MTF1: variants seen among roughly 807,000 people sequenced by gnomAD.
The protein encoded by MTF1 is MRE-binding transcription factor.
MTF1 carries 22 observed loss-of-function variants against 70.4 expected under a neutral mutation model. The observed-to-expected ratio is 0.31, with a 90% CI of 0.22 to 0.45. The LOEUF (loss-of-function observed/expected upper bound fraction) is 0.45, where lower values mean the gene tolerates loss of function less well. MTF1 is among the 20% of genes least tolerant of loss of function. MTF1 has a pLI of 1.00. For synonymous variants in MTF1, 333 were observed against 352.8 expected (o/e 0.94, Z 0.63); for missense variants, 649 against 922.0 (o/e 0.70, Z 3.83).
chr1:37,820,038 C>T (rs1640887886), intron 9 of MTF1, among the ~76,000 whole-genome samples: 1 of 148,868 alleles, frequency 6.7e-6, no homozygotes, highest in South Asian at 2.2e-4. Flanking sequence ...TTGTTTCACT[C>T]AGCACCCCAG....
intron 1 of MTF1, among the ~76,000 whole-genome samples, chr1:37,857,949 G>A (rs1569895247): frequency 6.6e-6 from 1 of 151,460 alleles, no homozygotes; most frequent in East Asian, 1.9e-4. Context: ...GGCTAAGATG[G>A]GAGGATCGCT....
rs1013524641 is a variant in MTF1 at position 37,840,404 on chromosome 1, A to G, written c.409-246T>C. The G allele has an allele frequency of 1.4e-5, 8 of 565,132 alleles. No homozygotes were observed. The highest frequency in any genetic ancestry group is 1.3e-4 in the African/African-American group (7 of 53,074). The allele number at this position is 565,132 out of a possible 1,614,324, so 35.0% of individuals were successfully genotyped here. A position where few individuals can be genotyped will look rare whatever the true frequency, so the allele number is the denominator to read the frequency against. ...ATGTAGATGAATATTCTAAATGAAC[A>G]TAAGAATGTTTTCAGACTCTATATA... On this transcript the variant is annotated intron_variant, in intron 2 of 10. Coordinates refer to ENST00000373036, the MANE Select transcript of MTF1 (RefSeq NM_005955.3). This position sits in a 1 kb window ranked among gnomAD's most constrained non-coding sequence, Gnocchi z 4.5.
rs1641237256 is a variant in MTF1, at chr1:37,840,347, C to T, written c.409-189G>A. ...TTGATCAAATCATACCTGGACAACA[C>T]ATAATGATTTATGGGGAAGAAATAA... is the stretch of plus-strand genomic sequence containing the variant. On this transcript the variant is annotated intron_variant, in intron 2 of 10. Transcript: ENST00000373036. The surrounding 1 kb of genome is among the most constrained non-coding windows in gnomAD (Gnocchi z 4.5). The T allele has an allele frequency of 3.3e-6, 2 of 609,782 alleles. No individual in the cohort carries two copies. Among genetic ancestry groups the T allele is most frequent in the Middle Eastern group, 3.8e-4 (1 of 2,662 alleles). 37.8% of individuals were successfully genotyped at this position (609,782 alleles called of 1,614,324 possible). A position where few individuals can be genotyped will look rare whatever the true frequency, so the allele number is the denominator to read the frequency against.
intron 1 of MTF1, among the ~76,000 whole-genome samples, chr1:37,858,017 A>AC (rs979870970): frequency 6.8e-6 from 1 of 147,404 alleles, no homozygotes; most frequent in Non-Finnish European, 1.5e-5. Context: ...ATCTCTAATA[A>AC]AAAAAAAAAA....
At chr1:37,835,423 A>G (rs908502948) in intron 5 of MTF1, among the ~76,000 whole-genome samples, 1 of 152,192 alleles carries the variant, frequency 6.6e-6, no homozygotes, top group Non-Finnish European at 1.5e-5. Flanking sequence ...TGGGAAGTTT[A>G]AAGAGTAGAT....
chr1:37,851,721 A>G (rs570261880), intron 2 of MTF1, among the ~76,000 whole-genome samples: 1 of 152,326 alleles, frequency 6.6e-6, no homozygotes, highest in South Asian at 2.1e-4. Context: ...TTCACACAGT[A>G]ATCACTGATG....
Position 37,835,732 on chromosome 1 carries a change from A to G in MTF1, c.792T>C (p.Asp264=). ...TGEKPFRCDH[D]GCGKAFAASH... is the part of the protein sequence containing the mutation. ...TTGCTGCAAATGCTTTTCCACAGCC[A>G]TCGTGATCGCACCTAAATTTGTTAA... The change falls in exon 5 of 11, where the codon GAT becomes GAC. Residue 264 remains aspartate (D), a synonymous_variant. Coordinates refer to ENST00000373036, the MANE Select transcript of MTF1 (RefSeq NM_005955.3). 1.9e-6 allele frequency: 3 copies of G among 1,614,112 alleles called. No homozygotes were observed. The highest frequency in any genetic ancestry group is 2.5e-6 in the Non-Finnish European group (3 of 1,179,976).
rs1171697316 is a variant in MTF1, at chr1:37,835,734, C to A, written c.790G>T (p.Asp264Tyr). ...TGEKPFRCDH[D>Y]GCGKAFAASH... ...GCTGCAAATGCTTTTCCACAGCCAT[C>A]GTGATCGCACCTAAATTTGTTAAGG... is the stretch of plus-strand genomic sequence containing the variant. Residue 264 changes from aspartate (D) to tyrosine (Y), a missense_variant, in exon 5 of 11, where the codon GAT becomes TAT. Coordinates refer to ENST00000373036, the MANE Select transcript of MTF1 (RefSeq NM_005955.3). The A allele has an allele frequency of 1.9e-6, 3 of 1,613,632 alleles. No homozygotes were observed. Among genetic ancestry groups the A allele is most frequent in the African/African-American group, 2.7e-5 (2 of 74,828 alleles).
chr1:37,842,958 G>A (rs1641277603), intron 2 of MTF1, among the ~76,000 whole-genome samples: 1 of 152,212 alleles, frequency 6.6e-6, no homozygotes, highest in East Asian at 1.9e-4. Flanking sequence ...GAAAGGTGAA[G>A]TGGAGGTAGA....
Position 37,814,179 on chromosome 1 carries a change from C to T in MTF1, c.*957G>A, listed in dbSNP as rs1640781962. The T allele has an allele frequency of 6.6e-6, 1 of 152,354 alleles. No homozygotes were observed. Among genetic ancestry groups the T allele is most frequent in the South Asian group, 2.1e-4 (1 of 4,820 alleles). The allele number at this position is 152,354 out of a possible 1,614,324, so 9.4% of individuals were successfully genotyped here. On this transcript the variant is annotated 3_prime_UTR_variant, in exon 11 of 11. Coordinates refer to ENST00000373036, the MANE Select transcript of MTF1 (RefSeq NM_005955.3). ...ATTACATGCCACCTCATATGAATTC[C>T]CTTAAATCTGCACCTTCTTCTGATA...
intron 6 of MTF1, 98 bp from the exon 7 acceptor site, chr1:37,832,420 C>T: frequency 1.4e-6 from 1 of 739,620 alleles, no homozygotes. Context: ...CCTAATGTTC[C>T]ACATGTCTAC....
At position 37,828,136 on chromosome 1, in the gene MTF1, CACAT is replaced by C. The variant is rs1334774922; in HGVS notation, c.1068+4105_1068+4108del. ...CATAATGTTATGAGAAGAAAAGCCA[CACAT>C]AAACAAGTATATGATTCCAATCATA... On this transcript the variant is annotated intron_variant, in intron 7 of 10. Transcript: ENST00000373036. 12 of 388,982 alleles carry C rather than the reference CACAT, an allele frequency of 3.1e-5. 1 individual carries two copies. The highest frequency in any genetic ancestry group is 9.9e-6 in the Non-Finnish European group (2 of 202,832). The allele number at this position is 388,982 out of a possible 1,614,324, so 24.1% of individuals were successfully genotyped here.
intron 6 of MTF1, 130 bp downstream of exon 6, chr1:37,834,949 G>C: frequency 4.2e-6 from 4 of 947,916 alleles, no homozygotes; most frequent in Non-Finnish European, 6.5e-6. Context: ...TCAAGACACT[G>C]ATCTTGACCC....
At chr1:37,828,305 T>C in intron 7 of MTF1, 1 of 386,864 alleles carries the variant, frequency 2.6e-6, no homozygotes. Context: ...GTTATTTTGT[T>C]TGTTTTCTTT....
At chr1:37,825,108 C>A (rs1260517161) in intron 7 of MTF1, among the ~76,000 whole-genome samples, 1 of 152,248 alleles carries the variant, frequency 6.6e-6, no homozygotes, top group East Asian at 1.9e-4. Context: ...AAAAGAAATA[C>A]GTGAAGCAAG....
chr1:37,840,282 A>C lies in MTF1; in HGVS notation c.409-124T>G. 1 of 818,586 alleles carries C rather than the reference A, an allele frequency of 1.2e-6. No individual in the cohort carries two copies. The highest frequency in any genetic ancestry group is 2.0e-6 in the Non-Finnish European group (1 of 502,492). 50.7% of individuals were successfully genotyped at this position (818,586 alleles called of 1,614,324 possible). ...ACAACTGGGTTTTCATCATAAACACAGAAAACAGCCTCTAGCAGCAAAGTG... is the reference window on the plus strand; with the variant it reads ...ACAACTGGGTTTTCATCATAAACACCGAAAACAGCCTCTAGCAGCAAAGTG... On this transcript the variant is annotated intron_variant, in intron 2 of 10. Coordinates refer to ENST00000373036, the MANE Select transcript of MTF1 (RefSeq NM_005955.3). This position sits in a 1 kb window ranked among gnomAD's most constrained non-coding sequence, Gnocchi z 4.5.
chr1:37,848,241 C>T (rs983150869), intron 2 of MTF1, among the ~76,000 whole-genome samples: 9 of 152,148 alleles, frequency 5.9e-5, no homozygotes, highest in African/African-American at 1.7e-4. Context: ...GAACATCCAG[C>T]GAACAATCAT....
At position 37,840,962 on chromosome 1, in the gene MTF1, G is replaced by T; in HGVS notation, c.409-804C>A. On this transcript the variant is annotated intron_variant, in intron 2 of 10. Transcript: ENST00000373036. The surrounding 1 kb of genome is among the most constrained non-coding windows in gnomAD (Gnocchi z 4.5). ...GGGCTGAGGCCATGGAGCTCTCAGA[G>T]GCAAGGCTGAGAACAAGGAGTGGAT... The T allele has an allele frequency of 4.5e-6, 1 of 220,558 alleles. No individual in the cohort carries two copies. Among genetic ancestry groups the T allele is most frequent in the Non-Finnish European group, 9.1e-6 (1 of 110,442 alleles). The allele number at this position is 220,558 out of a possible 1,614,324, so 13.7% of individuals were successfully genotyped here.
intron 6 of MTF1, among the ~76,000 whole-genome samples, chr1:37,834,416 G>A (rs1267925963): frequency 4.0e-5 from 6 of 150,388 alleles, no homozygotes; most frequent in South Asian, 2.1e-4. Flanking sequence ...TGGGGGCGGC[G>A]GGGGTGGGGG....
Sources: gnomAD v4.1 joint callset for allele counts (sites outside exome capture counted in the v4.1 genomes callset) on GRCh38, gnomAD v4.1.1 for gene constraint, Gnocchi (gnomAD v3.1) non-coding constraint, MANE v1.5 for transcripts, NCBI Gene and HGNC (gene_info 2026-07-23, HGNC 2026-07-21) for gene names.